The following CADM2 variants were observed in gnomAD, a reference collection of about 807,000 sequenced individuals.
CADM2 encodes the protein cell adhesion molecule 2.
A neutral mutation model predicts 49.8 loss-of-function variants in CADM2; 12 were observed. The observed-to-expected ratio is 0.24, with a 90% confidence interval of 0.15 to 0.39. The LOEUF is 0.39. Ranked by LOEUF, CADM2 falls within the 10% of genes least tolerant of loss-of-function variation. The pLI is 1.00. For missense variants in CADM2, 378 were observed against 492.3 expected (o/e 0.77, Z 2.20); for synonymous variants, 214 against 175.4 (o/e 1.22, Z -1.74).
intron 1 of CADM2, among the ~76,000 whole-genome samples, chr3:85,615,885 AT>A (rs2063789148): frequency 6.6e-6 from 1 of 151,920 alleles, no homozygotes; most frequent in South Asian, 2.1e-4. Flanking sequence ...TATCCATTTC[AT>A]TTCAGATCTT....
In CADM2 at chr3:85,538,429, T is replaced by C. The variant is rs192812935; in HGVS notation, c.62-188093T>C. On this transcript the variant is annotated intron_variant, in intron 1 of 9. Transcript: ENST00000383699. ...TGGTTATGAAGGGACTATGCTGAGA[T>C]GCAGGTTCAGGTCTTGAAAGTAGCT... Among the ~76,000 whole-genome samples, 4 of 141,496 alleles carry C rather than the reference T, an allele frequency of 2.8e-5. No homozygotes were observed. In the Admixed American group the frequency reaches 3.0e-4, roughly 11 times the overall value. 92.8% of individuals were successfully genotyped at this position (141,496 alleles called of 152,430 possible).
chr3:85,026,805 A>G (rs1238359637), intron 1 of CADM2, among the ~76,000 whole-genome samples: 1 of 152,158 alleles, frequency 6.6e-6, no homozygotes, highest in African/African-American at 2.4e-5. Flanking sequence ...GGTTAAAATT[A>G]TGGTATGTAT....
At chr3:85,228,203 A>G (rs753661717) in intron 1 of CADM2, among the ~76,000 whole-genome samples, 6 of 151,988 alleles carry the variant, frequency 3.9e-5, no homozygotes, top group Non-Finnish European at 8.8e-5. Flanking sequence ...CTCCTGGATA[A>G]TATTCTGTAC....
At chr3:85,345,260 G>C (rs1214287955) in intron 1 of CADM2, among the ~76,000 whole-genome samples, 5 of 120,698 alleles carry the variant, frequency 4.1e-5, no homozygotes, top group Non-Finnish European at 8.0e-5. Flanking sequence ...GCTGCAATGA[G>C]CTGAGATCAT....
chr3:85,372,317 CA>C (rs2033295650), intron 1 of CADM2, among the ~76,000 whole-genome samples: 1 of 149,748 alleles, frequency 6.7e-6, no homozygotes, highest in African/African-American at 2.5e-5. Context: ...ATGTCAAAAG[CA>C]AAGATGTCTA....
At chr3:85,622,579 T>A (rs954194702) in intron 1 of CADM2, among the ~76,000 whole-genome samples, 2 of 152,170 alleles carry the variant, frequency 1.3e-5, no homozygotes, top group Non-Finnish European at 1.5e-5. Context: ...TTTTAGCAGA[T>A]CCTCATAGTT....
chr3:85,818,393 T>C (rs2073348764), intron 3 of CADM2, among the ~76,000 whole-genome samples: 1 of 151,998 alleles, frequency 6.6e-6, no homozygotes, highest in Non-Finnish European at 1.5e-5. Context: ...CAGCATAAAG[T>C]GAGAGGGGGA....
At chr3:86,032,568 T>A (rs564261950) in intron 8 of CADM2, among the ~76,000 whole-genome samples, 2 of 151,996 alleles carry the variant, frequency 1.3e-5, no homozygotes, top group East Asian at 3.9e-4. Flanking sequence ...TAACTATCCT[T>A]GTAGTAAAAG....
chr3:84,964,393 A>G (rs758399220), intron 1 of CADM2, among the ~76,000 whole-genome samples: 3 of 152,198 alleles, frequency 2.0e-5, no homozygotes, highest in Non-Finnish European at 4.4e-5. Flanking sequence ...AGCCTTATTT[A>G]CTATGAAGGA....
chr3:85,611,501 C>T (rs1421732203), intron 1 of CADM2, among the ~76,000 whole-genome samples: 1 of 151,832 alleles, frequency 6.6e-6, no homozygotes, highest in Admixed American at 6.6e-5. Context: ...TCAAGTTGAA[C>T]TCATGAGAAA....
chr3:85,959,150 ATC>A (rs71128104), intron 7 of CADM2, among the ~76,000 whole-genome samples: 4,058 of 145,142 alleles, frequency 0.028, 195 homozygotes, highest in African/African-American at 0.095. Flanking sequence ...TTATCTATCT[ATC>A]TCTCTCTCTC....
chr3:85,324,353 C>T lies in CADM2; in HGVS notation c.61+364685C>T, dbSNP rs576007513. ...TCAAAATCAAGTCTGTTGGATTCTA[C>T]GCCCAAAGCTCTTAGGCTGTTTCCA... On this transcript the variant is annotated intron_variant, in intron 1 of 9. Transcript: ENST00000383699. Among the ~76,000 whole-genome samples the T allele has an allele frequency of 9.2e-5, 14 of 152,226 alleles. No homozygotes were observed. The East Asian group carries it at 1.2e-3, about 13-fold the overall frequency.
chr3:85,325,769 G>T (rs1367777546), intron 1 of CADM2, among the ~76,000 whole-genome samples: 4 of 150,674 alleles, frequency 2.7e-5, no homozygotes, highest in African/African-American at 9.7e-5. Flanking sequence ...CAGGAGCCAT[G>T]ATTTAAAAAA....
chr3:85,377,718 A>G (rs920497660), intron 1 of CADM2, among the ~76,000 whole-genome samples: 1 of 152,078 alleles, frequency 6.6e-6, no homozygotes, highest in Non-Finnish European at 1.5e-5. Context: ...TATAATGAAA[A>G]CACATTTTTA....
At chr3:85,300,471 T>A (rs1215747499) in intron 1 of CADM2, among the ~76,000 whole-genome samples, 2 of 152,120 alleles carry the variant, frequency 1.3e-5, no homozygotes, top group African/African-American at 4.8e-5. Context: ...TTGCTATTTA[T>A]TTTTTAATTG....
At chr3:85,301,438 C>T (rs747850827) in intron 1 of CADM2, among the ~76,000 whole-genome samples, 2 of 152,088 alleles carry the variant, frequency 1.3e-5, no homozygotes, top group East Asian at 3.9e-4. Context: ...TCAATATTTT[C>T]TTCTATAAAT....
rs190110114 is a variant in CADM2 at position 85,480,480 on chromosome 3, T to G, written c.62-246042T>G. Among the ~76,000 whole-genome samples the G allele has an allele frequency of 3.0e-4, 46 of 151,942 alleles. No individual in the cohort carries two copies. The East Asian group carries it at 7.6e-3, about 25-fold the overall frequency. ...CCTCATATTTGCGTGACTCAGGCGT[T>G]AGTAAAAGGGGGAGAATAATAGTCC... On this transcript the variant is annotated intron_variant, in intron 1 of 9. Transcript: ENST00000383699.
At chr3:85,851,324 A>G (rs1384287777) in intron 3 of CADM2, among the ~76,000 whole-genome samples, 1 of 152,068 alleles carries the variant, frequency 6.6e-6, no homozygotes, top group Non-Finnish European at 1.5e-5. Flanking sequence ...ATTCTCTGTC[A>G]GAGTGATTTT....
chr3:85,079,483 GTTA>G (rs2037078059), intron 1 of CADM2, among the ~76,000 whole-genome samples: 1 of 151,692 alleles, frequency 6.6e-6, no homozygotes. Context: ...TTTTCATAGG[GTTA>G]TTAACAAGAA....
Sources: gnomAD v4.1 joint callset for allele counts (sites outside exome capture counted in the v4.1 genomes callset) on GRCh38, gnomAD v4.1.1 for gene constraint, MANE v1.5 for transcripts, NCBI Gene and HGNC (gene_info 2026-07-23, HGNC 2026-07-21) for gene names.